PTPN9: variants seen among roughly 807,000 people sequenced by gnomAD.
The protein encoded by PTPN9 is tyrosine-protein phosphatase non-receptor type 9.
A neutral mutation model predicts 69.8 loss-of-function variants in PTPN9; 26 were observed. The observed-to-expected ratio is 0.37, with a 90% CI of 0.27 to 0.52. The LOEUF (loss-of-function observed/expected upper bound fraction) is 0.52. Among genes scored for constraint, PTPN9 ranks in the 20% least tolerant of loss-of-function variants. PTPN9 has a pLI of 0.91. For missense variants in PTPN9, 549 were observed against 740.3 expected (o/e 0.74, Z 3.00); for synonymous variants, 274 against 272.5 (o/e 1.01, Z -0.05).
intron 5 of PTPN9, chr15:75,513,392 A>C (rs1272611080): frequency 2.2e-6 from 1 of 456,050 alleles, no homozygotes; most frequent in South Asian, 1.5e-5. Context: ...TATATTCTCC[A>C]TAGAGGAGTG....
chr15:75,477,833 CT>C lies in PTPN9; in HGVS notation c.1129+2014del, dbSNP rs1196645006. On this transcript the variant is annotated intron_variant, in intron 9 of 12. Coordinates refer to ENST00000618819, the MANE Select transcript of PTPN9 (RefSeq NM_002833.4). ...CCAGTTGAGGATCTAATCAGATACT[CT>C]TTTTTTTTTTTTTTTTTTTTTTTTG... is the stretch of plus-strand genomic sequence containing the variant. 8.3e-3 allele frequency among the ~76,000 whole-genome samples: 758 copies of C among 91,850 alleles called. 2 individuals carry two copies. The highest frequency in any genetic ancestry group is 0.025 in the African/African-American group (576 of 23,352). The allele number at this position is 91,850 out of a possible 152,430, so 60.3% of individuals were successfully genotyped here. A position where few individuals can be genotyped will look rare whatever the true frequency, so the allele number is the denominator to read the frequency against.
intron 8 of PTPN9, chr15:75,487,286 A>G (rs62027166): frequency 4.6e-5 from 7 of 151,906 alleles, no homozygotes; most frequent in African/African-American, 1.7e-4. Context: ...CTAAGTAAAT[A>G]ATTTTTTTTT....
chr15:75,518,847 T>C (rs1416763604), intron 4 of PTPN9, among the ~76,000 whole-genome samples: 3 of 151,154 alleles, frequency 2.0e-5, no homozygotes, highest in African/African-American at 7.3e-5. Flanking sequence ...AAAGTAAGCC[T>C]ATTCCCAGAC....
chr15:75,573,956 G>C (rs758995614), intron 1 of PTPN9, among the ~76,000 whole-genome samples: 6 of 152,162 alleles, frequency 3.9e-5, no homozygotes, highest in Admixed American at 6.5e-5. Context: ...GTTAACAAAG[G>C]GGGGTGTTTC....
chr15:75,499,457 G>C (rs1033512981), intron 7 of PTPN9, among the ~76,000 whole-genome samples: 1 of 144,974 alleles, frequency 6.9e-6, no homozygotes, highest in Admixed American at 7.1e-5. Context: ...CCAGGCTGGA[G>C]TGCGGTGGCA....
At chr15:75,533,015 T>C (rs1389783885) in intron 1 of PTPN9, among the ~76,000 whole-genome samples, 1 of 152,238 alleles carries the variant, frequency 6.6e-6, no homozygotes, top group Non-Finnish European at 1.5e-5. Context: ...ACTCAGTTTA[T>C]TTCCTAGTGA....
chr15:75,574,167 C>A (rs2075161142), intron 1 of PTPN9, among the ~76,000 whole-genome samples: 1 of 151,936 alleles, frequency 6.6e-6, no homozygotes, highest in Admixed American at 6.6e-5. Flanking sequence ...GGCCTGTAAT[C>A]CTAAGGCTTT....
At chr15:75,522,388 C>T (rs1232639624) in intron 4 of PTPN9, among the ~76,000 whole-genome samples, 1 of 151,680 alleles carries the variant, frequency 6.6e-6, no homozygotes, top group South Asian at 2.1e-4. Flanking sequence ...TTTGTGTGGG[C>T]TTTTTTGTGG....
chr15:75,477,656 C>T (rs1175652592), intron 9 of PTPN9, among the ~76,000 whole-genome samples: 3 of 151,824 alleles, frequency 2.0e-5, no homozygotes, highest in Non-Finnish European at 4.4e-5. Context: ...TATTTTATTC[C>T]TAAATACTTG....
chr15:75,512,069 T>C (rs1298544790), intron 5 of PTPN9, among the ~76,000 whole-genome samples: 1 of 152,160 alleles, frequency 6.6e-6, no homozygotes, highest in Non-Finnish European at 1.5e-5. Flanking sequence ...GGTCTCGAAC[T>C]CCTGGCCTCA....
intron 10 of PTPN9, chr15:75,471,041 GCAGA>G: frequency 1.8e-6 from 1 of 568,060 alleles, no homozygotes; most frequent in East Asian, 2.9e-5. Context: ...TACTCATATA[GCAGA>G]CAGTTACTGA....
At chr15:75,505,156 A>ACC (rs1245795708) in intron 7 of PTPN9, among the ~76,000 whole-genome samples, 1 of 151,140 alleles carries the variant, frequency 6.6e-6, no homozygotes, top group African/African-American at 2.4e-5. Context: ...CGGTGACCTT[A>ACC]CCCCCAACCC....
intron 1 of PTPN9, among the ~76,000 whole-genome samples, chr15:75,549,767 G>A (rs529015126): frequency 2.0e-5 from 3 of 152,212 alleles, no homozygotes; most frequent in East Asian, 3.9e-4. Flanking sequence ...TTGAGACCAC[G>A]GGTTCAAAAC....
intron 8 of PTPN9, chr15:75,487,732 A>C (rs1189149627): frequency 6.6e-6 from 1 of 152,200 alleles, no homozygotes; most frequent in Non-Finnish European, 1.5e-5. Context: ...CTGCAGGAAA[A>C]TCTTCTCCAA....
At chr15:75,556,761 AAATT>A (rs1270407632) in intron 1 of PTPN9, among the ~76,000 whole-genome samples, 1 of 152,232 alleles carries the variant, frequency 6.6e-6, no homozygotes, top group African/African-American at 2.4e-5. Context: ...TGCATTAAAT[AAATT>A]CACATTGCTG....
At chr15:75,567,202 G>A (rs2075130312) in intron 1 of PTPN9, among the ~76,000 whole-genome samples, 1 of 151,972 alleles carries the variant, frequency 6.6e-6, no homozygotes, top group South Asian at 2.1e-4. Flanking sequence ...ATTTTTAGTA[G>A]AGACGGGGTT....
chr15:75,503,987 G>A (rs1395638249), intron 7 of PTPN9, among the ~76,000 whole-genome samples: 6 of 128,602 alleles, frequency 4.7e-5, no homozygotes, highest in East Asian at 2.5e-4. Flanking sequence ...GGGAAGTGAG[G>A]AGCCCCTCTG....
At chr15:75,497,032 C>G (rs1327527669) in intron 7 of PTPN9, among the ~76,000 whole-genome samples, 2 of 152,108 alleles carry the variant, frequency 1.3e-5, no homozygotes, top group Admixed American at 1.3e-4. Flanking sequence ...AAATAATACT[C>G]TATATTGTTC....
At chr15:75,524,328 A>G in intron 2 of PTPN9, 30 bp from the exon 3 acceptor site, 1 of 1,415,886 alleles carries the variant, frequency 7.1e-7, no homozygotes, top group Admixed American at 1.7e-5. Context: ...AAATGTATTA[A>G]TATGAAAATA....
Sources: gnomAD v4.1 joint callset for allele counts (sites outside exome capture counted in the v4.1 genomes callset) on GRCh38, gnomAD v4.1.1 for gene constraint, MANE v1.5 for transcripts, NCBI Gene and HGNC (gene_info 2026-07-23, HGNC 2026-07-21) for gene names.